The following LARP4B variants were observed in gnomAD, a reference collection of about 807,000 sequenced individuals.
LARP4B encodes La ribonucleoprotein 4B.
LARP4B carries 12 observed loss-of-function variants against 89.8 expected under a neutral mutation model. That is an observed-to-expected ratio of 0.13 (90% CI 0.09 to 0.22). The LOEUF (loss-of-function observed/expected upper bound fraction) is 0.22. Among genes scored for constraint, LARP4B ranks in the 10% least tolerant of loss-of-function variants. The pLI is 1.00. For missense variants in LARP4B, 757 were observed against 947.7 expected, an observed-to-expected ratio of 0.80 and a Z score of 2.64; for synonymous variants, 367 against 363.3, an observed-to-expected ratio of 1.01 and a Z score of -0.12.
intron 15 of LARP4B, 67 bp from the exon 16 acceptor site, chr10:815,137 G>A (rs149559553): frequency 3.5e-5 from 52 of 1,493,156 alleles, no homozygotes; most frequent in African/African-American, 4.2e-5. Flanking sequence ...ACCAGTGCCC[G>A]TTCACCCCAC....
intron 1 of LARP4B, among the ~76,000 whole-genome samples, chr10:895,319 T>C (rs1485845407): frequency 1.3e-5 from 2 of 152,126 alleles, no homozygotes; most frequent in Non-Finnish European, 2.9e-5. Context: ...CTTATTTCTA[T>C]TTAAAATTTG....
the LARP4B span, among the ~76,000 whole-genome samples, chr10:967,902 A>C: frequency 6.6e-6 from 1 of 152,140 alleles, no homozygotes; most frequent in East Asian, 1.9e-4. Flanking sequence ...GGGTTTCAAC[A>C]TGTTGGCCAG....
the LARP4B span, among the ~76,000 whole-genome samples, chr10:944,869 C>T: frequency 6.6e-6 from 1 of 152,194 alleles, no homozygotes; most frequent in African/African-American, 2.4e-5. Flanking sequence ...CTGTGAATCT[C>T]AGGAGTGCAT....
At chr10:927,186 G>A (rs1359742637) in intron 1 of LARP4B, among the ~76,000 whole-genome samples, 1 of 152,150 alleles carries the variant, frequency 6.6e-6, no homozygotes, top group Non-Finnish European at 1.5e-5. Flanking sequence ...AATCCTTTAT[G>A]GTTGAAATAG....
intron 5 of LARP4B, among the ~76,000 whole-genome samples, chr10:853,873 A>AC (rs1255390192): frequency 1.3e-5 from 2 of 151,990 alleles, no homozygotes; most frequent in Non-Finnish European, 2.9e-5. Context: ...ACGTGGACGG[A>AC]CTCTTGCTTT....
chr10:885,646 G>A lies in LARP4B; in HGVS notation c.76C>T (p.His26Tyr), dbSNP rs1380634353. The change falls in exon 2 of 18, where the codon CAT becomes TAT. Residue 26 changes from histidine to tyrosine, a missense_variant. His to Tyr is a moderately conservative substitution (Grantham distance 83, BLOSUM62 2). Around this residue, in one of 5 missense-constraint regions of LARP4B, gnomAD observed 175 missense variants for 187.0 expected, o/e 0.94. Transcript: ENST00000316157. Reference protein sequence around the residue: ...QRVQEGKDSAHLMNGPISQTT... With the variant: ...QRVQEGKDSAYLMNGPISQTT... ...CCCCATTCGACAGCACCCACCAGATGAGCGCTGTCCTTGCCCTCCTGGACT... is the reference window on the plus strand; with the variant it reads ...CCCCATTCGACAGCACCCACCAGATAAGCGCTGTCCTTGCCCTCCTGGACT... The A allele has an allele frequency of 6.2e-7, 1 of 1,613,632 alleles. No individual in the cohort carries two copies. Among genetic ancestry groups the A allele is most frequent in the South Asian group, 1.1e-5 (1 of 91,038 alleles).
At chr10:925,433 A>G (rs1294701547) in intron 1 of LARP4B, among the ~76,000 whole-genome samples, 4 of 152,252 alleles carry the variant, frequency 2.6e-5, no homozygotes, top group Non-Finnish European at 5.9e-5. Context: ...TACATTTTCA[A>G]TATTGCAATT....
intron 1 of LARP4B, among the ~76,000 whole-genome samples, chr10:918,268 T>G (rs1413281175): frequency 6.6e-6 from 1 of 152,178 alleles, no homozygotes; most frequent in African/African-American, 2.4e-5. Flanking sequence ...TGGGTTGCAA[T>G]CATCATGCTT....
intron 3 of LARP4B, 121 bp from the exon 4 acceptor site, chr10:864,391 A>G (rs1588934273): frequency 9.6e-6 from 8 of 833,108 alleles, no homozygotes; most frequent in East Asian, 2.7e-5. Context: ...ATGTATTTAT[A>G]CACACCTTTG....
At chr10:969,863 C>T in the LARP4B span, among the ~76,000 whole-genome samples, 5 of 152,176 alleles carry the variant, frequency 3.3e-5, no homozygotes, top group South Asian at 2.1e-4. Flanking sequence ...ATGCAGCTGA[C>T]GGGAGTTCGT....
chr10:817,370 A>G (rs1175321734), intron 15 of LARP4B, among the ~76,000 whole-genome samples: 2 of 152,192 alleles, frequency 1.3e-5, no homozygotes, highest in Non-Finnish European at 2.9e-5. Context: ...AATCATTTCC[A>G]ATACAATTCA....
chr10:982,743 T>C, the LARP4B span, among the ~76,000 whole-genome samples: 11 of 152,222 alleles, frequency 7.2e-5, no homozygotes, highest in Non-Finnish European at 1.5e-4. Flanking sequence ...GCCACAGAAA[T>C]TTTGAAAATG....
chr10:937,209 A>T, the LARP4B span, among the ~76,000 whole-genome samples: 1 of 151,956 alleles, frequency 6.6e-6, no homozygotes, highest in Non-Finnish European at 1.5e-5. Flanking sequence ...TGCCCAGCTA[A>T]TTTTTGCATT....
chr10:930,232 C>A (rs1312008264), intron 1 of LARP4B, among the ~76,000 whole-genome samples: 1 of 152,128 alleles, frequency 6.6e-6, no homozygotes, highest in African/African-American at 2.4e-5. Context: ...AAAAAACTTT[C>A]GAAAGGGAAA....
rs189371838 is a variant in LARP4B at position 925,675 on chromosome 10, G to A, written c.-40+5753C>T. 5.9e-5 allele frequency among the ~76,000 whole-genome samples: 9 copies of A among 152,074 alleles called. No individual in the cohort carries two copies. In the East Asian group the frequency reaches 9.7e-4, roughly 16 times the overall value. ...CAGCCTCCCAAGTAGCTGGGATTAC[G>A]AGCACGCACCACCACGCCTGGCTAA... On this transcript the variant is annotated intron_variant, in intron 1 of 17. Transcript: ENST00000316157.
At position 810,688 on chromosome 10, in the gene LARP4B, C is replaced by T. The variant is rs1281155623; in HGVS notation, c.*2238G>A. 1 of 152,216 alleles carries T rather than the reference C, an allele frequency of 6.6e-6. No homozygotes were observed. The highest frequency in any genetic ancestry group is 2.4e-5 in the African/African-American group (1 of 41,458). 9.4% of individuals were successfully genotyped at this position (152,216 alleles called of 1,614,324 possible). On this transcript the variant is annotated 3_prime_UTR_variant, in exon 18 of 18. Transcript: ENST00000316157. ...AATGGCTGATGGCGCCCTGGCCCTTCCGTAGCGAAGATGCAGCTCGTAGGC... is the reference window on the plus strand; with the variant it reads ...AATGGCTGATGGCGCCCTGGCCCTTTCGTAGCGAAGATGCAGCTCGTAGGC...
At chr10:921,953 G>A (rs912264825) in intron 1 of LARP4B, among the ~76,000 whole-genome samples, 2 of 152,174 alleles carry the variant, frequency 1.3e-5, no homozygotes, top group African/African-American at 4.8e-5. Context: ...AGCAACTATT[G>A]CTGATTCATC....
At chr10:938,252 CTTTTTT>C in the LARP4B span, among the ~76,000 whole-genome samples, 2 of 123,452 alleles carry the variant, frequency 1.6e-5, no homozygotes, top group African/African-American at 6.0e-5. Context: ...GGTTCTTTTT[CTTTTTT>C]TTTTTTTTTG....
chr10:891,238 G>A (rs1836010506), intron 1 of LARP4B, among the ~76,000 whole-genome samples: 1 of 151,812 alleles, frequency 6.6e-6, no homozygotes, highest in African/African-American at 2.4e-5. Context: ...GGACCACCAA[G>A]GGATTCCACA....
Sources: allele counts gnomAD v4.1 joint callset (sites outside exome capture counted in the v4.1 genomes callset), GRCh38; gene constraint gnomAD v4.1.1; regional missense constraint gnomAD v4.1.1; transcripts MANE v1.5; gene names NCBI Gene and HGNC (gene_info 2026-07-23, HGNC 2026-07-21).